GFRA2: variants seen among roughly 807,000 people sequenced by gnomAD.
GFRA2 encodes the protein GDNF family receptor alpha-2.
Under a neutral mutation model 48.3 loss-of-function variants are expected in GFRA2, and 17 were observed. The ratio of observed to expected loss-of-function variants is 0.35; its 90% CI spans 0.24 to 0.53. GFRA2 has a LOEUF of 0.53. Ranked by LOEUF, GFRA2 falls within the 20% of genes least tolerant of loss-of-function variation. The pLI, the probability that GFRA2 is intolerant of heterozygous loss-of-function variation, is 0.93. For synonymous variants in GFRA2, 305 were observed against 257.2 expected, an observed-to-expected ratio of 1.19 and a Z score of -1.78; for missense variants, 660 against 637.3, an observed-to-expected ratio of 1.04 and a Z score of -0.38.
chr8:21,726,686 C>T (rs1024382931), intron 4 of GFRA2, among the ~76,000 whole-genome samples: 1 of 152,132 alleles, frequency 6.6e-6, no homozygotes, highest in Non-Finnish European at 1.5e-5. Context: ...GGACACTGGC[C>T]ACTGGATTTA....
chr8:21,807,363 C>G (rs1289569386), intron 1 of GFRA2, among the ~76,000 whole-genome samples: 1 of 152,164 alleles, frequency 6.6e-6, no homozygotes, highest in Non-Finnish European at 1.5e-5. Context: ...AAAGCCCTCA[C>G]CAGACGCCAG....
intron 4 of GFRA2, among the ~76,000 whole-genome samples, chr8:21,715,133 T>C (rs1803267807): frequency 1.3e-5 from 2 of 152,162 alleles, no homozygotes; most frequent in African/African-American, 4.8e-5. Flanking sequence ...TCCTTTCCAG[T>C]GTCTTCCTGC....
chr8:21,724,364 A>G (rs1803753897), intron 4 of GFRA2, among the ~76,000 whole-genome samples: 2 of 152,168 alleles, frequency 1.3e-5, no homozygotes, highest in African/African-American at 4.8e-5. Context: ...AAGAGCAAGC[A>G]GATTCCCAGT....
At chr8:21,741,671 C>T (rs1341585349) in intron 4 of GFRA2, among the ~76,000 whole-genome samples, 2 of 152,154 alleles carry the variant, frequency 1.3e-5, no homozygotes, top group Non-Finnish European at 2.9e-5. Context: ...CACCTGTAAT[C>T]CCAGCACTTT....
chr8:21,773,630 T>C (rs1452154999), intron 3 of GFRA2, among the ~76,000 whole-genome samples: 2 of 152,258 alleles, frequency 1.3e-5, no homozygotes, highest in African/African-American at 4.8e-5. Flanking sequence ...CAAAATGTTA[T>C]TCCTTGGTAT....
At chr8:21,758,030 G>C (rs1289593821) in intron 3 of GFRA2, among the ~76,000 whole-genome samples, 1 of 152,160 alleles carries the variant, frequency 6.6e-6, no homozygotes, top group Non-Finnish European at 1.5e-5. Flanking sequence ...CCGGTTTAGA[G>C]AAAAGGCACT....
At position 21,782,936 on chromosome 8, in the gene GFRA2, G is replaced by T. The variant is rs1182255492; in HGVS notation, c.41-37C>A. The T allele has an allele frequency of 2.6e-5, 40 of 1,517,082 alleles. No individual in the cohort carries two copies. In the Admixed American group the frequency reaches 5.9e-4, roughly 22 times the overall value. 94.0% of individuals were successfully genotyped at this position (1,517,082 alleles called of 1,614,324 possible). A position where few individuals can be genotyped will look rare whatever the true frequency, so the allele number is the denominator to read the frequency against. ...GGAGGGAAGACAAGCATGAATGACG[G>T]CCGCCACAATCTCCCACCCAAGATG... On this transcript the variant is annotated intron_variant, in intron 1 of 8. Coordinates refer to ENST00000524240, the MANE Select transcript of GFRA2 (RefSeq NM_001495.5).
At chr8:21,809,410 C>T (rs1354616858) in intron 1 of GFRA2, among the ~76,000 whole-genome samples, 9 of 152,158 alleles carry the variant, frequency 5.9e-5, no homozygotes, top group African/African-American at 1.7e-4. Context: ...CGGCAAGCTC[C>T]GCCTCCCAGG....
At chr8:21,719,328 G>A (rs1053363772) in intron 4 of GFRA2, among the ~76,000 whole-genome samples, 2 of 152,010 alleles carry the variant, frequency 1.3e-5, no homozygotes, top group Non-Finnish European at 2.9e-5. Flanking sequence ...CCTTGAGACC[G>A]CCATTGGATA....
At chr8:21,732,973 T>A (rs1804270223) in intron 4 of GFRA2, among the ~76,000 whole-genome samples, 4 of 152,096 alleles carry the variant, frequency 2.6e-5, no homozygotes, top group Admixed American at 1.3e-4. Context: ...CCACTGCAGA[T>A]GTGGAAACCT....
upstream of GFRA2, among the ~76,000 whole-genome samples, chr8:21,793,318 G>A (rs1807610586): frequency 2.0e-5 from 3 of 152,140 alleles, no homozygotes; most frequent in African/African-American, 7.2e-5. Flanking sequence ...GGCCAATTAG[G>A]AGGTGATTGT....
intron 7 of GFRA2, among the ~76,000 whole-genome samples, chr8:21,702,074 C>G (rs1236727373): frequency 6.6e-6 from 1 of 152,192 alleles, no homozygotes; most frequent in Non-Finnish European, 1.5e-5. Flanking sequence ...GAGCTGCCCG[C>G]CGCTCTAGCA....
intron 4 of GFRA2, among the ~76,000 whole-genome samples, chr8:21,734,519 G>T (rs1015456577): frequency 6.6e-6 from 1 of 151,070 alleles, no homozygotes; most frequent in Non-Finnish European, 1.5e-5. Flanking sequence ...AGCCTAGTGA[G>T]GTGTTCTGGA....
At chr8:21,693,895 C>T (rs1274598540) in intron 8 of GFRA2, among the ~76,000 whole-genome samples, 1 of 92,044 alleles carries the variant, frequency 1.1e-5, no homozygotes, top group Non-Finnish European at 2.3e-5. Flanking sequence ...CCTCCCTGAA[C>T]ATCTTTGTCT....
intron 2 of GFRA2, chr8:21,779,630 A>G (rs1806877241): frequency 6.6e-6 from 1 of 152,216 alleles, no homozygotes; most frequent in African/African-American, 2.4e-5. Context: ...TATCTCCTGA[A>G]GAATAGAGTG....
chr8:21,741,382 T>C (rs1374921867), intron 4 of GFRA2, among the ~76,000 whole-genome samples: 2 of 152,194 alleles, frequency 1.3e-5, no homozygotes, highest in African/African-American at 4.8e-5. Flanking sequence ...TTAAATGTCA[T>C]CTTGCAGATA....
chr8:21,765,044 G>A (rs1056819998), intron 3 of GFRA2, among the ~76,000 whole-genome samples: 3 of 152,126 alleles, frequency 2.0e-5, no homozygotes, highest in Non-Finnish European at 4.4e-5. Flanking sequence ...TCACTGGCTT[G>A]ACTTCTGGGC....
chr8:21,810,274 A>G (rs1352304120), intron 1 of GFRA2, among the ~76,000 whole-genome samples: 2 of 152,110 alleles, frequency 1.3e-5, no homozygotes, highest in Non-Finnish European at 2.9e-5. Context: ...GTGGGAGTGG[A>G]AGTGACCCAC....
chr8:21,737,447 C>G (rs1585276120), intron 4 of GFRA2, among the ~76,000 whole-genome samples: 1 of 152,134 alleles, frequency 6.6e-6, no homozygotes, highest in Admixed American at 6.5e-5. Flanking sequence ...ACTTCATGCT[C>G]TTATCAAGCA....
Sources: allele counts gnomAD v4.1 joint callset (sites outside exome capture counted in the v4.1 genomes callset), GRCh38; gene constraint gnomAD v4.1.1; transcripts MANE v1.5; gene names NCBI Gene and HGNC (gene_info 2026-07-23, HGNC 2026-07-21).